Variants in CRTAC1 observed in about 807,000 individuals in gnomAD.
CRTAC1 encodes the protein cartilage acidic protein 1.
In CRTAC1, 37 loss-of-function variants were observed where a neutral mutation model predicts 67.8. That is an observed-to-expected ratio of 0.55 (90% CI 0.42 to 0.72). The LOEUF (loss-of-function observed/expected upper bound fraction) is 0.72, where lower values mean the gene tolerates loss of function less well. Ranked by LOEUF, CRTAC1 falls within the 30% of genes least tolerant of loss-of-function variation. CRTAC1 has a pLI of 0.00. For missense variants in CRTAC1, 780 were observed against 931.6 expected, an observed-to-expected ratio of 0.84 and a Z score of 2.12; for synonymous variants, 348 against 371.0, an observed-to-expected ratio of 0.94 and a Z score of 0.71.
chr10:97,865,719 AG>A lies in CRTAC1; in HGVS notation c.1820-6del. ...CCGGTGACTGGCCGAGAGTCCCTGT[AG>A]GGAGGTGTATGGCCGGAGTGAGGGC... On this transcript the variant is annotated splice_region_variant and splice_polypyrimidine_tract_variant and intron_variant, in intron 14 of 14. Transcript: ENST00000370597. 6.3e-7 allele frequency: 1 copy of A among 1,587,216 alleles called. No homozygotes were observed. The highest frequency in any genetic ancestry group is 8.6e-7 in the Non-Finnish European group (1 of 1,165,298).
At chr10:98,015,602 A>T (rs1433536219) in intron 1 of CRTAC1, among the ~76,000 whole-genome samples, 1 of 152,244 alleles carries the variant, frequency 6.6e-6, no homozygotes, top group Non-Finnish European at 1.5e-5. Context: ...TAGCAAGGGC[A>T]CCAAATTTTT....
rs186906808 is a variant in CRTAC1 at position 97,901,700 on chromosome 10, C to T, written c.997-61G>A. On this transcript the variant is annotated intron_variant, in intron 7 of 14. Coordinates refer to ENST00000370597, the MANE Select transcript of CRTAC1 (RefSeq NM_018058.7). ...AGTGGGCTGGGGCGGGAGGCCAGCT[C>T]TCCTCTATGGAGTGTGGGGGCAATT... 1.2e-4 allele frequency: 197 copies of T among 1,599,218 alleles called. No homozygotes were observed. In the African/African-American group the frequency reaches 2.2e-3, roughly 18 times the overall value.
intron 1 of CRTAC1, among the ~76,000 whole-genome samples, chr10:98,013,464 T>C (rs1842944948): frequency 1.3e-5 from 2 of 152,194 alleles, no homozygotes; most frequent in South Asian, 4.1e-4. Flanking sequence ...AAAGAAGACA[T>C]ACGAAAGAAG....
chr10:97,936,628 G>A (rs1419024195), intron 2 of CRTAC1, among the ~76,000 whole-genome samples: 1 of 152,258 alleles, frequency 6.6e-6, no homozygotes, highest in East Asian at 1.9e-4. Flanking sequence ...GGGTGGCAGA[G>A]GGGAGTGGGA....
At chr10:97,946,141 GA>G (rs1487401046) in intron 2 of CRTAC1, among the ~76,000 whole-genome samples, 2 of 152,322 alleles carry the variant, frequency 1.3e-5, no homozygotes, top group East Asian at 3.9e-4. Context: ...AGAAGACAGG[GA>G]GTCAGGAATT....
chr10:97,971,305 A>G (rs146560990), intron 2 of CRTAC1, among the ~76,000 whole-genome samples: 80 of 152,352 alleles, frequency 5.3e-4, no homozygotes, highest in African/African-American at 1.9e-3. Flanking sequence ...TATCCACACA[A>G]TGGAATATTA....
At chr10:97,919,862 C>T (rs1360529921) in intron 4 of CRTAC1, among the ~76,000 whole-genome samples, 1 of 149,858 alleles carries the variant, frequency 6.7e-6, no homozygotes, top group Non-Finnish European at 1.5e-5. Flanking sequence ...ACTCCAGCCT[C>T]CCAAGTAGCT....
chr10:97,884,796 G>A (rs1162760355), intron 11 of CRTAC1, among the ~76,000 whole-genome samples: 3 of 152,230 alleles, frequency 2.0e-5, no homozygotes, highest in Admixed American at 2.0e-4. Context: ...GATACAGTAA[G>A]GCCTGTGATA....
At chr10:97,908,548 A>G (rs541907766) in intron 5 of CRTAC1, among the ~76,000 whole-genome samples, 1 of 152,348 alleles carries the variant, frequency 6.6e-6, no homozygotes, top group Admixed American at 6.5e-5. Flanking sequence ...TTTGAGTGAT[A>G]CATATGCTGG....
chr10:97,959,859 C>T (rs1318918840), intron 2 of CRTAC1, among the ~76,000 whole-genome samples: 2 of 152,334 alleles, frequency 1.3e-5, no homozygotes, highest in Non-Finnish European at 2.9e-5. Flanking sequence ...CAACATCCTT[C>T]CCCAGTAGTC....
Position 97,989,510 on chromosome 10 carries a change from GGTAATT to G in CRTAC1, c.224+21622_224+21627del, listed in dbSNP as rs1246345798. On this transcript the variant is annotated intron_variant, in intron 2 of 14. Transcript: ENST00000370597. ...GCATGTTACTGTACTGAATACTGTA[GGTAATT>G]GTCACACAATGGTAAGTATCTGTGT... Among the ~76,000 whole-genome samples the G allele has an allele frequency of 2.0e-5, 3 of 152,184 alleles. No individual in the cohort carries two copies. The East Asian group carries it at 5.8e-4, about 29-fold the overall frequency.
chr10:97,901,689 G>A, intron 7 of CRTAC1, 50 bp from the exon 8 acceptor site: 1 of 1,609,100 alleles, frequency 6.2e-7, no homozygotes, highest in Middle Eastern at 1.7e-4. Context: ...GGCTGGGGCG[G>A]GAGGCCAGCT....
intron 5 of CRTAC1, among the ~76,000 whole-genome samples, chr10:97,908,561 A>G (rs2050646836): frequency 6.6e-6 from 1 of 152,242 alleles, no homozygotes; most frequent in Non-Finnish European, 1.5e-5. Context: ...TATGCTGGTC[A>G]AGACCACTGG....
chr10:97,880,149 G>A, intron 14 of CRTAC1, 100 bp downstream of exon 14: 1 of 1,372,206 alleles, frequency 7.3e-7, no homozygotes, highest in Admixed American at 1.9e-5. Context: ...CCAGCCAGGA[G>A]AAGGAAGGGG....
chr10:98,019,021 A>C lies in CRTAC1; in HGVS notation c.25-7684T>G, dbSNP rs368514253. The stretch of plus-strand genomic sequence containing the variant: ...GAAAGCTGCTCACCATTTGCAGTAC[A>C]GGGTGAGGGGTGCTGCGGAGGAGGG... On this transcript the variant is annotated intron_variant, in intron 1 of 14. Coordinates refer to ENST00000370597, the MANE Select transcript of CRTAC1 (RefSeq NM_018058.7). Among the ~76,000 whole-genome samples the C allele has an allele frequency of 2.2e-4, 33 of 152,240 alleles. 1 individual carries two copies. The South Asian group carries it at 6.8e-3, about 32-fold the overall frequency.
intron 2 of CRTAC1, among the ~76,000 whole-genome samples, chr10:97,941,107 G>A (rs1252570853): frequency 6.6e-6 from 1 of 151,376 alleles, no homozygotes; most frequent in Non-Finnish European, 1.5e-5. Flanking sequence ...CATCATCGGT[G>A]GCTTTTATGA....
At chr10:97,884,104 C>G (rs2136541709) in intron 12 of CRTAC1, 102 bp downstream of exon 12, 2 of 1,385,418 alleles carry the variant, frequency 1.4e-6, no homozygotes, top group Non-Finnish European at 2.0e-6. Flanking sequence ...TTCCATCACT[C>G]TAGAGGCTGA....
chr10:97,874,642 A>G (rs984833614), intron 14 of CRTAC1, among the ~76,000 whole-genome samples: 1 of 152,110 alleles, frequency 6.6e-6, no homozygotes, highest in African/African-American at 2.4e-5. Context: ...CTACTTAATA[A>G]TAGTATCTCT....
intron 3 of CRTAC1, among the ~76,000 whole-genome samples, chr10:97,933,395 C>T (rs368919240): frequency 1.3e-3 from 201 of 152,376 alleles, no homozygotes; most frequent in Non-Finnish European, 2.2e-3. Flanking sequence ...GCGCCTTCAC[C>T]GTGTCTGCCT....
Sources: allele counts gnomAD v4.1 joint callset (sites outside exome capture counted in the v4.1 genomes callset), GRCh38; gene constraint gnomAD v4.1.1; transcripts MANE v1.5; gene names NCBI Gene and HGNC (gene_info 2026-07-23, HGNC 2026-07-21).